Variants in PIGL observed in about 807,000 individuals in gnomAD.
PIGL encodes N-acetylglucosaminyl-phosphatidylinositol de-N-acetylase.
A neutral mutation model predicts 31.1 loss-of-function variants in PIGL; 22 were observed. The observed-to-expected ratio is 0.71, with a 90% CI of 0.51 to 1.01. The LOEUF is 1.01. PIGL is among the 50% of genes least tolerant of loss of function. The pLI is 0.00. For missense variants in PIGL, 302 were observed against 315.9 expected (o/e 0.96, Z 0.33); for synonymous variants, 131 against 117.4 (o/e 1.12, Z -0.75).
chr17:16,251,427 A>AG (rs1461022349), intron 2 of PIGL, among the ~76,000 whole-genome samples: 1 of 151,788 alleles, frequency 6.6e-6, no homozygotes, highest in African/African-American at 2.4e-5. Context: ...TGTCTCAAAA[A>AG]AAAAAAAAAA....
At chr17:16,295,511 GT>G (rs2092977894) in intron 2 of PIGL, among the ~76,000 whole-genome samples, 1 of 151,682 alleles carries the variant, frequency 6.6e-6, no homozygotes, top group African/African-American at 2.4e-5. Flanking sequence ...GCTGGGCTTG[GT>G]GGCTCACACC....
At chr17:16,278,359 GATTAC>G (rs201140628) in intron 2 of PIGL, among the ~76,000 whole-genome samples, 2,483 of 152,218 alleles carry the variant, frequency 0.016, 67 homozygotes, top group African/African-American at 0.057. Context: ...AAAGTGCTGG[GATTAC>G]AAGCATGAGC....
intron 6 of PIGL, among the ~76,000 whole-genome samples, chr17:16,323,950 C>G (rs113391680): frequency 5.3e-5 from 8 of 151,260 alleles, no homozygotes; most frequent in Non-Finnish European, 1.2e-4. Flanking sequence ...GATTATTTCT[C>G]TTATTTATTT....
chr17:16,273,736 C>G (rs7219038), intron 2 of PIGL, among the ~76,000 whole-genome samples: 10,656 of 152,170 alleles, frequency 0.07, 1,240 homozygotes, highest in African/African-American at 0.24. Flanking sequence ...CAGATGTGTG[C>G]ATTTAGTGAC....
Position 16,268,767 on chromosome 17 carries a change from TTA to T in PIGL, c.336-31119_336-31118del, listed in dbSNP as rs534987631. ...GCCTGGCGTTTTTTTGTTGTTCTTG[TTA>T]TTTGTTTTTTTAGATGGGAGTCTTG... On this transcript the variant is annotated intron_variant, in intron 2 of 6. Transcript: ENST00000225609. Among the ~76,000 whole-genome samples the T allele has an allele frequency of 7.7e-4, 117 of 151,172 alleles. 1 individual carries two copies. The highest frequency in any genetic ancestry group is 6.8e-3 in the Middle Eastern group (2 of 292).
Position 16,317,862 on chromosome 17 carries a change from AG to A in PIGL, c.616del (p.Asp206MetfsTer39). The A allele has an allele frequency of 6.2e-7, 1 of 1,614,060 alleles. No individual in the cohort carries two copies. Among genetic ancestry groups the A allele is most frequent in the Non-Finnish European group, 8.5e-7 (1 of 1,180,042 alleles). ...CTGCCCTTGTCTCTGCTTCATACGC[AG>A]GATGTCCTCTTCGTGCTCAACAGCA... ...LDLPLSLLHT[Q>X]DVLFVLNSKE... On this transcript the variant is annotated frameshift_variant, in exon 6 of 7. Coordinates refer to ENST00000225609, the MANE Select transcript of PIGL (RefSeq NM_004278.4). LOFTEE classifies it high-confidence loss of function.
chr17:16,314,859 A>T (rs910423402), intron 4 of PIGL, among the ~76,000 whole-genome samples: 2 of 152,190 alleles, frequency 1.3e-5, no homozygotes, highest in Non-Finnish European at 2.9e-5. Flanking sequence ...TGAGGCCTTG[A>T]GCTTCCAAGA....
At chr17:16,293,143 C>T (rs2142822038) in intron 2 of PIGL, among the ~76,000 whole-genome samples, 1 of 152,318 alleles carries the variant, frequency 6.6e-6, no homozygotes, top group Admixed American at 6.5e-5. Context: ...TTTATATTTT[C>T]CTATATTGAG....
chr17:16,251,657 T>C (rs2092772522), intron 2 of PIGL, among the ~76,000 whole-genome samples: 1 of 150,310 alleles, frequency 6.7e-6, no homozygotes, highest in South Asian at 2.1e-4. Context: ...TTGGCAACTT[T>C]ACCCAGTACC....
Position 16,220,486 on chromosome 17 carries a change from T to TA in PIGL, c.235+3025_235+3026insA, listed in dbSNP as rs1175579226. Among the ~76,000 whole-genome samples, 1,146 of 134,380 alleles carry TA rather than the reference T, an allele frequency of 8.5e-3. 108 individuals are homozygous for TA. The highest frequency in any genetic ancestry group is 8.9e-3 in the Non-Finnish European group (556 of 62,526). The allele number at this position is 134,380 out of a possible 152,430, so 88.2% of individuals were successfully genotyped here. A position where few individuals can be genotyped will look rare whatever the true frequency, so the allele number is the denominator to read the frequency against. ...TGTGTTTTTTTAAATTGTTATTTTT[T>TA]TTTTTTTTTTTTTTTTTTTTGAGGC... On this transcript the variant is annotated intron_variant, in intron 1 of 6. Coordinates refer to ENST00000225609, the MANE Select transcript of PIGL (RefSeq NM_004278.4).
chr17:16,277,390 A>G (rs2092900294), intron 2 of PIGL, among the ~76,000 whole-genome samples: 1 of 152,238 alleles, frequency 6.6e-6, no homozygotes, highest in Non-Finnish European at 1.5e-5. Flanking sequence ...AGAAACAAAT[A>G]TGCTTCAAAT....
At chr17:16,270,377 C>T (rs1280803781) in intron 2 of PIGL, among the ~76,000 whole-genome samples, 6 of 151,814 alleles carry the variant, frequency 4.0e-5, no homozygotes, top group Admixed American at 6.6e-5. Flanking sequence ...TTGTCCTGCC[C>T]GTGTTCTAAT....
At chr17:16,268,020 G>A (rs2092852700) in intron 2 of PIGL, among the ~76,000 whole-genome samples, 1 of 152,180 alleles carries the variant, frequency 6.6e-6, no homozygotes, top group African/African-American at 2.4e-5. Context: ...GGGAGGGGAG[G>A]AGACTGTAAA....
At chr17:16,236,774 G>A (rs1332194696) in intron 2 of PIGL, among the ~76,000 whole-genome samples, 2 of 152,000 alleles carry the variant, frequency 1.3e-5, no homozygotes, top group African/African-American at 2.4e-5. Flanking sequence ...TCACCATGTT[G>A]GTCAGGCTGG....
At chr17:16,301,368 GA>G (rs1568833692) in intron 3 of PIGL, among the ~76,000 whole-genome samples, 1 of 148,952 alleles carries the variant, frequency 6.7e-6, no homozygotes, top group Non-Finnish European at 1.5e-5. Context: ...GGGTTCAAGT[GA>G]TTCTCCTGCC....
chr17:16,252,283 A>G (rs1441536581), intron 2 of PIGL, among the ~76,000 whole-genome samples: 1 of 152,016 alleles, frequency 6.6e-6, no homozygotes, highest in African/African-American at 2.4e-5. Flanking sequence ...CATGTTGGCC[A>G]GGATGGTCTC....
intron 2 of PIGL, among the ~76,000 whole-genome samples, chr17:16,237,994 G>A (rs1454239024): frequency 2.6e-5 from 4 of 151,688 alleles, no homozygotes; most frequent in East Asian, 1.9e-4. Context: ...TCAGGAGTTC[G>A]AGACCAGCCT....
chr17:16,228,120 C>T (rs1182360871), intron 1 of PIGL, among the ~76,000 whole-genome samples: 2 of 146,382 alleles, frequency 1.4e-5, no homozygotes, highest in Admixed American at 7.0e-5. Flanking sequence ...GGCATGATCT[C>T]GGCTCACTGC....
At chr17:16,269,759 AT>A (rs34927087) in intron 2 of PIGL, among the ~76,000 whole-genome samples, 7 of 149,758 alleles carry the variant, frequency 4.7e-5, no homozygotes, top group Non-Finnish European at 4.5e-5. Context: ...AAGAACCTGA[AT>A]TTTTTTTTTT....
Sources: gnomAD v4.1 joint callset for allele counts (sites outside exome capture counted in the v4.1 genomes callset) on GRCh38, gnomAD v4.1.1 for gene constraint, MANE v1.5 for transcripts, NCBI Gene and HGNC (gene_info 2026-07-23, HGNC 2026-07-21) for gene names.